The following RHCE variants were observed in gnomAD, a reference collection of about 807,000 sequenced individuals.
The protein encoded by RHCE is blood group Rh(CE) polypeptide.
RHCE carries 22 observed loss-of-function variants against 43.8 expected under a neutral mutation model. That is an observed-to-expected ratio of 0.50 (90% CI 0.36 to 0.72). The LOEUF is 0.72. RHCE is among the 30% of genes least tolerant of loss of function. The pLI is 0.00. For missense variants in RHCE, 385 were observed against 525.4 expected, an observed-to-expected ratio of 0.73 and a Z score of 2.61; for synonymous variants, 156 against 210.7, an observed-to-expected ratio of 0.74 and a Z score of 2.25.
intron 7 of RHCE, among the ~76,000 whole-genome samples, chr1:25,377,406 C>A (rs1244276048): frequency 6.6e-6 from 1 of 151,932 alleles, no homozygotes; most frequent in Admixed American, 6.6e-5. Context: ...CCATGTTGGC[C>A]AGGATGATCT....
intron 1 of RHCE, among the ~76,000 whole-genome samples, chr1:25,412,202 A>G (rs1286446056): frequency 6.6e-6 from 1 of 152,264 alleles, no homozygotes; most frequent in African/African-American, 2.4e-5. Flanking sequence ...GTCCTTGCAC[A>G]GGCTAGGCTG....
rs528562167 is a variant in RHCE at position 25,391,048 on chromosome 1, C to T, written c.635-133G>A. 144 of 1,214,308 alleles carry T rather than the reference C, an allele frequency of 1.2e-4. 2 individuals carry two copies. The East Asian group carries it at 2.8e-3, about 24-fold the overall frequency. 75.2% of individuals were successfully genotyped at this position (1,214,308 alleles called of 1,614,324 possible). A position where few individuals can be genotyped will look rare whatever the true frequency, so the allele number is the denominator to read the frequency against. On this transcript the variant is annotated intron_variant, in intron 4 of 9. Transcript: ENST00000294413. Reference sequence around the variant, plus strand: ...CACTTAGAGTTAGATGGGGAAGTCACGTCTCCCCTCCGAGCTCTCAAGCTG... The same window carrying T: ...CACTTAGAGTTAGATGGGGAAGTCATGTCTCCCCTCCGAGCTCTCAAGCTG...
chr1:25,379,487 ATATATATATTTTTTTTTTTTTTTTT>A (rs1462190555), intron 7 of RHCE, among the ~76,000 whole-genome samples: 1 of 20,970 alleles, frequency 4.8e-5, no homozygotes, highest in East Asian at 2.6e-3. Context: ...ATATATATAT[ATATATATATTTTTTTTTTTTTTTTT>A]TTTTTTTTTA....
intron 5 of RHCE, among the ~76,000 whole-genome samples, chr1:25,390,041 C>T (rs1011457243): frequency 3.3e-5 from 5 of 152,084 alleles, no homozygotes; most frequent in Admixed American, 6.5e-5. Flanking sequence ...CCAGCCCCCC[C>T]AGTGCCTCCC....
intron 3 of RHCE, chr1:25,398,947 T>C: frequency 1.9e-6 from 2 of 1,078,750 alleles, no homozygotes; most frequent in Non-Finnish European, 2.9e-6. Flanking sequence ...AGTGTTTTGC[T>C]CCCGGGTCTG....
chr1:25,392,855 G>C (rs1054691104), intron 3 of RHCE, among the ~76,000 whole-genome samples: 4 of 151,958 alleles, frequency 2.6e-5, no homozygotes, highest in Admixed American at 6.6e-5. Flanking sequence ...GAGCCACCAC[G>C]CCCGGCCTAT....
rs375896296 is a variant in RHCE, at chr1:25,402,734, G to C, written c.348C>G (p.Ala116=). The C allele has an allele frequency of 8.1e-6, 13 of 1,614,050 alleles. No homozygotes were observed. Among genetic ancestry groups the C allele is most frequent in the Non-Finnish European group, 8.5e-6 (10 of 1,180,034 alleles). ...TCAGCACCGACATAGCACTCATGGT[G>C]GCCAGCCGAATACTGGGGGTGAGAA... is the stretch of plus-strand genomic sequence containing the variant. The part of the protein sequence containing the change: ...VVITLFSIRL[A]TMSAMSVLIS... The change falls in exon 3 of 10, where the codon GCC becomes GCG. Residue 116 remains alanine (A), a synonymous_variant. Transcript: ENST00000294413.
intron 1 of RHCE, among the ~76,000 whole-genome samples, chr1:25,418,088 G>A (rs982938986): frequency 1.3e-5 from 2 of 152,084 alleles, no homozygotes; most frequent in Admixed American, 6.5e-5. Flanking sequence ...GAGTGCAGTG[G>A]CGTATTCTCA....
chr1:25,392,035 T>C lies in RHCE; in HGVS notation c.593A>G (p.Asn198Ser). 1 of 1,614,206 alleles carries C rather than the reference T, an allele frequency of 6.2e-7. No individual in the cohort carries two copies. The highest frequency in any genetic ancestry group is 8.5e-7 in the Non-Finnish European group (1 of 1,180,032). Residue 198 changes from asparagine (N) to serine (S), a missense_variant, in exon 4 of 10, where the codon AAT becomes AGT. Around this residue, in one of 6 missense-constraint regions of RHCE, gnomAD observed 110 missense variants for 103.4 expected, o/e 1.06. Transcript: ENST00000294413. Reference protein sequence around the residue: ...PKPLPKGTEDNDQRATIPSLS... With the variant: ...PKPLPKGTEDSDQRATIPSLS... Reference sequence around the variant, plus strand: ...ACTGGGTATCGTTGCTCTCTGATCATTATCCTCCGTTCCCTTGGGTAGAGG... The same window carrying C: ...ACTGGGTATCGTTGCTCTCTGATCACTATCCTCCGTTCCCTTGGGTAGAGG...
chr1:25,411,071 G>A (rs528778219), intron 1 of RHCE, among the ~76,000 whole-genome samples: 16 of 151,874 alleles, frequency 1.1e-4, no homozygotes, highest in East Asian at 1.9e-4. Context: ...CAGCCTGGGC[G>A]ACACAGTGAG....
chr1:25,399,640 C>T (rs537858977), intron 3 of RHCE, among the ~76,000 whole-genome samples: 20 of 152,216 alleles, frequency 1.3e-4, no homozygotes, highest in Middle Eastern at 3.4e-3. Context: ...GTTTAATTTT[C>T]AAAAACTTCC....
At chr1:25,368,061 G>A (rs1356807606) in intron 9 of RHCE, among the ~76,000 whole-genome samples, 3 of 151,148 alleles carry the variant, frequency 2.0e-5, no homozygotes, top group Non-Finnish European at 2.9e-5. Context: ...GGGTAGGAAG[G>A]GAGGAATTTC....
intron 4 of RHCE, among the ~76,000 whole-genome samples, chr1:25,391,160 G>A (rs991890996): frequency 5.9e-5 from 9 of 152,128 alleles, no homozygotes; most frequent in Non-Finnish European, 8.8e-5. Context: ...AACCTGCTCT[G>A]TGATGGTCAA....
At chr1:25,384,593 C>A (rs1317432991) in intron 7 of RHCE, among the ~76,000 whole-genome samples, 1 of 152,176 alleles carries the variant, frequency 6.6e-6, no homozygotes, top group Non-Finnish European at 1.5e-5. Context: ...CACAGCTCAT[C>A]CCCTCCTCAT....
chr1:25,385,684 G>C (rs1480805315), intron 7 of RHCE, 27 bp downstream of exon 7: 1 of 1,613,926 alleles, frequency 6.2e-7, no homozygotes, highest in Non-Finnish European at 8.5e-7. Context: ...AGTGTTAAGG[G>C]GATGGGGGGT....
intron 3 of RHCE, among the ~76,000 whole-genome samples, chr1:25,392,362 C>T (rs1293832100): frequency 1.3e-5 from 2 of 152,072 alleles, no homozygotes; most frequent in African/African-American, 4.8e-5. Context: ...CCCAGGTTCA[C>T]GCGATTCTCC....
At chr1:25,416,767 C>G (rs543593330) in intron 1 of RHCE, among the ~76,000 whole-genome samples, 1 of 150,472 alleles carries the variant, frequency 6.6e-6, no homozygotes, top group Non-Finnish European at 1.5e-5. Context: ...CAGGCATGTG[C>G]CACCACACTG....
intron 6 of RHCE, 102 bp from the exon 7 acceptor site, chr1:25,385,946 G>A: frequency 6.4e-7 from 1 of 1,554,522 alleles, no homozygotes; most frequent in East Asian, 2.2e-5. Context: ...AAATGGGGAT[G>A]GGCACTAAGG....
chr1:25,376,333 C>T (rs1263049755), intron 7 of RHCE, among the ~76,000 whole-genome samples: 4 of 152,186 alleles, frequency 2.6e-5, no homozygotes, highest in Non-Finnish European at 5.9e-5. Context: ...CTGGGCACTG[C>T]CAGCCCGTTC....
Sources: allele counts gnomAD v4.1 joint callset (sites outside exome capture counted in the v4.1 genomes callset), GRCh38; gene constraint gnomAD v4.1.1; regional missense constraint gnomAD v4.1.1; transcripts MANE v1.5; gene names NCBI Gene and HGNC (gene_info 2026-07-23, HGNC 2026-07-21).